CNR1: variants seen among roughly 807,000 people sequenced by gnomAD.
CNR1 encodes the protein cannabinoid receptor 1 (brain).
A neutral mutation model predicts 23.0 loss-of-function variants in CNR1; 10 were observed. That is an observed-to-expected ratio of 0.43 (90% CI 0.27 to 0.74). The LOEUF (loss-of-function observed/expected upper bound fraction) is 0.74. Ranked by LOEUF, CNR1 falls within the 30% of genes least tolerant of loss-of-function variation. The probability of loss-of-function intolerance (pLI) is 0.19; values close to 1 mark genes in which losing one functional copy is unlikely to be tolerated. For missense variants in CNR1, 422 were observed against 618.8 expected, an observed-to-expected ratio of 0.68 and a Z score of 3.37; for synonymous variants, 271 against 255.2, an observed-to-expected ratio of 1.06 and a Z score of -0.59.
Position 88,142,853 on chromosome 6 carries a change from T to A in CNR1, c.*1003A>T, listed in dbSNP as rs574098654. The A allele has an allele frequency of 6.5e-6, 1 of 152,830 alleles. No homozygotes were observed. Among genetic ancestry groups the A allele is most frequent in the Admixed American group, 6.5e-5 (1 of 15,298 alleles). 9.5% of individuals were successfully genotyped at this position (152,830 alleles called of 1,614,324 possible). A position where few individuals can be genotyped will look rare whatever the true frequency, so the allele number is the denominator to read the frequency against. On this transcript the variant is annotated 3_prime_UTR_variant, in exon 2 of 2. Coordinates refer to ENST00000369501, the MANE Select transcript of CNR1 (RefSeq NM_016083.6). The stretch of plus-strand genomic sequence containing the variant: ...CAATTAAAAAAAATGAAGACTGTTG[T>A]TTGGCCACCCAGGCATGAAATCTAC...
intron 1 of CNR1, among the ~76,000 whole-genome samples, chr6:88,161,609 C>G (rs1778110989): frequency 6.6e-6 from 1 of 152,016 alleles, no homozygotes; most frequent in Admixed American, 6.6e-5. Context: ...GAAATATAAT[C>G]CAGGAAAGCT....
rs138181835 is a variant in CNR1, at chr6:88,151,464, A to T, written c.-63-6127T>A. 1.1e-3 allele frequency among the ~76,000 whole-genome samples: 172 copies of T among 152,300 alleles called. 1 individual carries two copies. The highest frequency in any genetic ancestry group is 2.0e-3 in the Non-Finnish European group (133 of 68,028). On this transcript the variant is annotated intron_variant, in intron 1 of 1. Coordinates refer to ENST00000369501, the MANE Select transcript of CNR1 (RefSeq NM_016083.6). Reference sequence around the variant, plus strand: ...TGGTACTTGGGCAATCAGTCTTTCTAAGCCTCAGTATTTCATCTGTAAAAT... The same window carrying T: ...TGGTACTTGGGCAATCAGTCTTTCTTAGCCTCAGTATTTCATCTGTAAAAT...
intron 1 of CNR1, among the ~76,000 whole-genome samples, chr6:88,157,379 G>A (rs911824423): frequency 3.3e-5 from 5 of 152,012 alleles, no homozygotes; most frequent in East Asian, 1.9e-4. Context: ...CATAGTTCTC[G>A]CTTTGGTTGA....
rs959713419 is a variant in CNR1, at chr6:88,146,103, C to T, written c.-63-766G>A. On this transcript the variant is annotated intron_variant, in intron 1 of 1. Transcript: ENST00000369501. ...TATAGGAAGACAGAGTTTTTTTTTT[C>T]TTTCTTTCTTTCTTTCTTTTTGATA... is the stretch of plus-strand genomic sequence containing the variant. 6.5e-4 allele frequency among the ~76,000 whole-genome samples: 97 copies of T among 149,198 alleles called. 1 individual carries two copies. The highest frequency in any genetic ancestry group is 3.1e-3 in the Admixed American group (47 of 14,978).
chr6:88,163,825 A>T (rs1778230523), intron 1 of CNR1, among the ~76,000 whole-genome samples: 1 of 152,240 alleles, frequency 6.6e-6, no homozygotes, highest in African/African-American at 2.4e-5. Context: ...AATGCCAAAA[A>T]GAACACACTG....
In CNR1 at chr6:88,141,360, G is replaced by A. The variant is rs1024325047; in HGVS notation, c.*2496C>T. On this transcript the variant is annotated 3_prime_UTR_variant, in exon 2 of 2. Coordinates refer to ENST00000369501, the MANE Select transcript of CNR1 (RefSeq NM_016083.6). ...ATAAGCACCAAGTTTAGTGCTGTCA[G>A]CCCCATTGTCCCTTAATTTATTATA... is the stretch of plus-strand genomic sequence containing the variant. The A allele has an allele frequency of 2.6e-5, 4 of 152,724 alleles. No individual in the cohort carries two copies. Among genetic ancestry groups the A allele is most frequent in the African/African-American group, 9.7e-5 (4 of 41,432 alleles). 9.5% of individuals were successfully genotyped at this position (152,724 alleles called of 1,614,324 possible). A position where few individuals can be genotyped will look rare whatever the true frequency, so the allele number is the denominator to read the frequency against.
chr6:88,165,750 A>C (rs1778338159), intron 1 of CNR1, 53 bp downstream of exon 1: 1 of 152,570 alleles, frequency 6.6e-6, no homozygotes, highest in Admixed American at 6.5e-5. Flanking sequence ...GTCGTACCCG[A>C]GGGGGCGGGA....
intron 1 of CNR1, among the ~76,000 whole-genome samples, chr6:88,150,890 G>T (rs1192244732): frequency 6.6e-6 from 1 of 152,232 alleles, no homozygotes; most frequent in African/African-American, 2.4e-5. Context: ...GTTGACTCCT[G>T]AGAACTTTTT....
chr6:88,146,342 G>A (rs1777183804), intron 1 of CNR1, among the ~76,000 whole-genome samples: 1 of 152,154 alleles, frequency 6.6e-6, no homozygotes, highest in Non-Finnish European at 1.5e-5. Context: ...TTGACCTCAG[G>A]TGATCCACCT....
chr6:88,167,116 C>G (rs945704193), upstream of CNR1, among the ~76,000 whole-genome samples: 2 of 151,900 alleles, frequency 1.3e-5, no homozygotes, highest in African/African-American at 2.4e-5. Flanking sequence ...AGTTGGGCTC[C>G]GTAGGCGGCT....
intron 1 of CNR1, among the ~76,000 whole-genome samples, chr6:88,156,983 G>A (rs1777836381): frequency 2.0e-5 from 3 of 152,104 alleles, no homozygotes; most frequent in Admixed American, 1.3e-4. Flanking sequence ...AAATTATATT[G>A]ATGGCAAGTG....
In CNR1 at chr6:88,142,148, A is replaced by G. The variant is rs1582316433; in HGVS notation, c.*1708T>C. ...GAGATTTGTTCCTTAGCCCAAACCTACCAAGACAGAGCTGGGTGCTCAGCT... is the reference window on the plus strand; with the variant it reads ...GAGATTTGTTCCTTAGCCCAAACCTGCCAAGACAGAGCTGGGTGCTCAGCT... On this transcript the variant is annotated 3_prime_UTR_variant, in exon 2 of 2. Transcript: ENST00000369501. 2 of 152,352 alleles carry G rather than the reference A, an allele frequency of 1.3e-5. No individual in the cohort carries two copies. Among genetic ancestry groups the G allele is most frequent in the East Asian group, 3.7e-4 (2 of 5,336 alleles). The allele number at this position is 152,352 out of a possible 1,614,324, so 9.4% of individuals were successfully genotyped here.
In CNR1 at chr6:88,145,265, T is replaced by C; in HGVS notation, c.10A>G (p.Ile4Val). MKS[I>V]LDGLADTTFR... ...GTGGTATCTGCAAGGCCATCTAGGA[T>C]CGACTTCATAACCTCAGTCTTTGAT... is the stretch of plus-strand genomic sequence containing the variant. The change falls in exon 2 of 2, where the codon ATC becomes GTC. Residue 4 changes from isoleucine (I) to valine (V), a missense_variant. Around this residue, in one of 4 missense-constraint regions of CNR1, gnomAD observed 120 missense variants for 117.6 expected, o/e 1.02. Coordinates refer to ENST00000369501, the MANE Select transcript of CNR1 (RefSeq NM_016083.6). 1.2e-6 allele frequency: 2 copies of C among 1,608,910 alleles called. No individual in the cohort carries two copies. Among genetic ancestry groups the C allele is most frequent in the Non-Finnish European group, 8.5e-7 (1 of 1,176,608 alleles).
chr6:88,167,218 C>G (rs1157064746), upstream of CNR1, among the ~76,000 whole-genome samples: 1 of 151,682 alleles, frequency 6.6e-6, no homozygotes, highest in Non-Finnish European at 1.5e-5. Flanking sequence ...CGCCCCACTC[C>G]AGGGCCGGAC....
At chr6:88,167,020 C>A (rs1778397193), upstream of CNR1, among the ~76,000 whole-genome samples, 1 of 151,314 alleles carries the variant, frequency 6.6e-6, no homozygotes, top group East Asian at 2.0e-4. Context: ...CGCCCAGCTT[C>A]GCGCCAGGCG....
At position 88,166,122 on chromosome 6, in the gene CNR1, G is replaced by A. The variant is rs969875578; in HGVS notation, c.-383C>T. ...GGGCGGTCAGCAAGTCAGTCCGTCC[G>A]AGCGCCGGCGTCCCGGTCTCCAGCG... On this transcript the variant is annotated 5_prime_UTR_variant, in exon 1 of 2. Transcript: ENST00000369501. 6.6e-6 allele frequency: 1 copy of A among 152,084 alleles called. No individual in the cohort carries two copies. Among genetic ancestry groups the A allele is most frequent in the African/African-American group, 2.4e-5 (1 of 41,418 alleles). The allele number at this position is 152,084 out of a possible 1,614,324, so 9.4% of individuals were successfully genotyped here.
chr6:88,152,259 G>A (rs1405197341), intron 1 of CNR1, among the ~76,000 whole-genome samples: 3 of 148,262 alleles, frequency 2.0e-5, no homozygotes, highest in African/African-American at 7.5e-5. Flanking sequence ...AAGGCATTTT[G>A]CCAATAGTAA....
rs931630056 is a variant in CNR1, at chr6:88,144,705, C to G, written c.570G>C (p.Leu190=). Reference sequence around the variant, plus strand: ...AGGCCGTGACCCCACCCAGTTTGAACAGAAACACGTTGCGGCTATCTTTGC... The same window carrying G: ...AGGCCGTGACCCCACCCAGTTTGAAGAGAAACACGTTGCGGCTATCTTTGC... ...FHRKDSRNVF[L]FKLGGVTASF... The change falls in exon 2 of 2, where the codon CTG becomes CTC. Residue 190 remains leucine, a synonymous_variant. Transcript: ENST00000369501. The surrounding 1 kb of genome is among the most constrained non-coding windows in gnomAD (Gnocchi z 7.8). 1.2e-6 allele frequency: 2 copies of G among 1,614,088 alleles called. No homozygotes were observed. The highest frequency in any genetic ancestry group is 2.2e-5 in the East Asian group (1 of 44,896).
chr6:88,143,651 T>C lies in CNR1; in HGVS notation c.*205A>G, dbSNP rs1408787404. The C allele has an allele frequency of 1.9e-6, 1 of 538,060 alleles. No homozygotes were observed. The highest frequency in any genetic ancestry group is 3.5e-5 in the Admixed American group (1 of 28,628). 33.3% of individuals were successfully genotyped at this position (538,060 alleles called of 1,614,324 possible). ...GTTCAGTCACTTAAACAACAGGCTT[T>C]CTTCACTGTAAACCCCTGGAGAATG... On this transcript the variant is annotated 3_prime_UTR_variant, in exon 2 of 2. Coordinates refer to ENST00000369501, the MANE Select transcript of CNR1 (RefSeq NM_016083.6).
Sources: gnomAD v4.1 joint callset for allele counts (sites outside exome capture counted in the v4.1 genomes callset) on GRCh38, gnomAD v4.1.1 for gene constraint, gnomAD v4.1.1 regional missense constraint, Gnocchi (gnomAD v3.1) non-coding constraint, MANE v1.5 for transcripts, NCBI Gene and HGNC (gene_info 2026-07-23, HGNC 2026-07-21) for gene names.